The following DNAJB1 variants were observed in gnomAD, a reference collection of about 807,000 sequenced individuals.
DNAJB1 encodes the protein DnaJ heat shock protein family (Hsp40) member B1.
DNAJB1 carries 14 observed loss-of-function variants against 24.0 expected under a neutral mutation model. That is an observed-to-expected ratio of 0.58 (90% CI 0.39 to 0.91). The LOEUF (loss-of-function observed/expected upper bound fraction) is 0.91, where lower values mean the gene tolerates loss of function less well. Among genes scored for constraint, DNAJB1 ranks in the 40% least tolerant of loss-of-function variants. The pLI is 0.00. For synonymous variants in DNAJB1, 262 were observed against 174.4 expected (o/e 1.50, Z -3.96); for missense variants, 517 against 458.1 (o/e 1.13, Z -1.17).
intron 1 of DNAJB1, among the ~76,000 whole-genome samples, chr19:14,538,504 C>G (rs1599424340): frequency 6.6e-6 from 1 of 151,272 alleles, no homozygotes; most frequent in East Asian, 1.9e-4. Flanking sequence ...TGGCACCTGA[C>G]CTCTTTGGAA....
intron 1 of DNAJB1, chr19:14,544,981 G>T: frequency 9.7e-6 from 4 of 411,474 alleles, no homozygotes; most frequent in Non-Finnish European, 2.0e-5. Flanking sequence ...GAACTGCGGT[G>T]TCCTTTTCAC....
chr19:14,533,595 C>T (rs75013252), upstream of DNAJB1, among the ~76,000 whole-genome samples: 151 of 152,234 alleles, frequency 9.9e-4, 4 homozygotes, highest in South Asian at 0.03. Context: ...CTGACTGTCA[C>T]GCAACAAATT....
chr19:14,558,525 T>C (rs1464716500), intron 1 of DNAJB1, among the ~76,000 whole-genome samples: 1 of 152,080 alleles, frequency 6.6e-6, no homozygotes, highest in East Asian at 1.9e-4. Context: ...GGCCTCCTGG[T>C]GAGAATTCCT....
At chr19:14,532,771 C>A (rs1465821923), upstream of DNAJB1, among the ~76,000 whole-genome samples, 1 of 152,106 alleles carries the variant, frequency 6.6e-6, no homozygotes, top group African/African-American at 2.4e-5. Context: ...GATGCTTTCA[C>A]TCACACTTAA....
At chr19:14,546,216 T>C (rs958169476) in intron 1 of DNAJB1, among the ~76,000 whole-genome samples, 4 of 152,056 alleles carry the variant, frequency 2.6e-5, no homozygotes, top group Admixed American at 2.6e-4. Context: ...TTTCCGATCA[T>C]AGATCACACT....
chr19:14,542,347 G>GTTTTTTTTT (rs71166754), intron 1 of DNAJB1, among the ~76,000 whole-genome samples: 3,302 of 43,274 alleles, frequency 0.076, 813 homozygotes, highest in Non-Finnish European at 0.12. Flanking sequence ...ATGCCATAGT[G>GTTTTTTTTT]TTTTTTTTTT....
At chr19:14,522,683 GACACACACACACACACACAC>G (rs56121204), upstream of DNAJB1, among the ~76,000 whole-genome samples, 1 of 117,932 alleles carries the variant, frequency 8.5e-6, no homozygotes, top group Admixed American at 8.6e-5. Flanking sequence ...CACACACACA[GACACACACACACACACACAC>G]ACACACACAC....
At chr19:14,517,134 A>C in intron 1 of DNAJB1, 88 bp from the exon 2 acceptor site, 9 of 1,396,874 alleles carry the variant, frequency 6.4e-6, no homozygotes, top group Non-Finnish European at 8.7e-6. Context: ...CTTGGAAGCC[A>C]TGGGGGAGGA....
chr19:14,552,736 CTG>C (rs2073576637), upstream of DNAJB1, among the ~76,000 whole-genome samples: 1 of 151,868 alleles, frequency 6.6e-6, no homozygotes, highest in Non-Finnish European at 1.5e-5. Flanking sequence ...CGGGGTTTCA[CTG>C]TGTTAGCCAG....
chr19:14,515,819 C>CA lies in DNAJB1; in HGVS notation c.*120dup, dbSNP rs2072247435. 4 of 884,702 alleles carry CA rather than the reference C, an allele frequency of 4.5e-6. No homozygotes were observed. Among genetic ancestry groups the CA allele is most frequent in the Non-Finnish European group, 7.1e-6 (4 of 565,224 alleles). The allele number at this position is 884,702 out of a possible 1,614,324, so 54.8% of individuals were successfully genotyped here. ...TGTAATATATGCTCTGGAAAACATT[C>CA]AGCAGTACGAAAGCCCTCCCTGGGC... On this transcript the variant is annotated 3_prime_UTR_variant, in exon 3 of 3. Coordinates refer to ENST00000254322, the MANE Select transcript of DNAJB1 (RefSeq NM_006145.3).
chr19:14,520,656 T>TTGCTCAA (rs2072349498), upstream of DNAJB1, among the ~76,000 whole-genome samples: 1 of 151,806 alleles, frequency 6.6e-6, no homozygotes, highest in South Asian at 2.1e-4. Flanking sequence ...TGAGCAGGGG[T>TTGCTCAA]CCTGAAGCAA....
At chr19:14,518,739 G>T (rs183798813), upstream of DNAJB1, among the ~76,000 whole-genome samples, 1 of 152,240 alleles carries the variant, frequency 6.6e-6, no homozygotes, top group African/African-American at 2.4e-5. Flanking sequence ...GGGTCAGTAG[G>T]TCGGGACCCA....
At chr19:14,532,903 A>G (rs148501152), upstream of DNAJB1, among the ~76,000 whole-genome samples, 1,141 of 152,058 alleles carry the variant, frequency 7.5e-3, 14 homozygotes, top group African/African-American at 0.026. Context: ...TGAAGTCAGG[A>G]GTTCGAGACC....
chr19:14,519,553 T>C (rs888868016), upstream of DNAJB1, among the ~76,000 whole-genome samples: 4 of 152,158 alleles, frequency 2.6e-5, no homozygotes, highest in Non-Finnish European at 2.9e-5. Context: ...TTCTTCCCTT[T>C]ACTGCCCTCT....
intron 1 of DNAJB1, chr19:14,545,695 C>T (rs1292053920): frequency 6.1e-6 from 1 of 163,872 alleles, no homozygotes; most frequent in Non-Finnish European, 1.3e-5. Context: ...GTGCAAACTG[C>T]ACAGTTAGCA....
chr19:14,521,556 C>T (rs1425143780), upstream of DNAJB1, among the ~76,000 whole-genome samples: 1 of 152,072 alleles, frequency 6.6e-6, no homozygotes, highest in Non-Finnish European at 1.5e-5. Flanking sequence ...TGTCTTTGTG[C>T]TTGGGGTCAG....
At chr19:14,533,986 T>C (rs1172856373), upstream of DNAJB1, 1 of 152,124 alleles carries the variant, frequency 6.6e-6, no homozygotes, top group African/African-American at 2.4e-5. Context: ...CTACTACATC[T>C]TGTAATTGAG....
In DNAJB1 at chr19:14,518,245, C is replaced by T. The variant is rs1348811211; in HGVS notation, c.105G>A (p.Lys35=). 3.1e-6 allele frequency: 5 copies of T among 1,608,710 alleles called. No homozygotes were observed. In the East Asian group the frequency reaches 6.8e-5, roughly 22 times the overall value. Residue 35 remains lysine, a synonymous_variant, in exon 1 of 3, where the codon AAG becomes AAA. Coordinates refer to ENST00000254322, the MANE Select transcript of DNAJB1 (RefSeq NM_006145.3). ...TCTCCTCGGCGCCGGGCTCCTTGTT[C>T]TTGTCCGGGTGGTAGCGCAGCGCCT... is the stretch of plus-strand genomic sequence containing the variant. The part of the protein sequence containing the change: ...RRQALRYHPD[K]NKEPGAEEKF...
chr19:14,556,332 T>C (rs538794537), intron 1 of DNAJB1, among the ~76,000 whole-genome samples: 2 of 151,918 alleles, frequency 1.3e-5, no homozygotes, highest in South Asian at 2.1e-4. Flanking sequence ...CACTCTCAAA[T>C]GGCCATCCTC....
Sources: gnomAD v4.1 joint callset for allele counts (sites outside exome capture counted in the v4.1 genomes callset) on GRCh38, gnomAD v4.1.1 for gene constraint, MANE v1.5 for transcripts, NCBI Gene and HGNC (gene_info 2026-07-23, HGNC 2026-07-21) for gene names.